Variants in SNTG1 observed in about 807,000 individuals in gnomAD.
SNTG1 encodes the protein syntrophin gamma 1.
A neutral mutation model predicts 74.7 loss-of-function variants in SNTG1; 39 were observed. The observed-to-expected ratio is 0.52, with a 90% CI of 0.40 to 0.68. SNTG1 has a LOEUF of 0.68. Ranked by LOEUF, SNTG1 falls within the 30% of genes least tolerant of loss-of-function variation. SNTG1 has a pLI of 0.00. For synonymous variants in SNTG1, 254 were observed against 217.1 expected (o/e 1.17, Z -1.49); for missense variants, 685 against 609.5 (o/e 1.12, Z -1.30).
chr8:50,202,280 C>A (rs2084016263), intron 2 of SNTG1, among the ~76,000 whole-genome samples: 1 of 152,130 alleles, frequency 6.6e-6, no homozygotes, highest in Non-Finnish European at 1.5e-5. Flanking sequence ...CATGTATCCA[C>A]AATTACATAT....
chr8:50,714,391 G>A (rs1363397237), intron 17 of SNTG1, among the ~76,000 whole-genome samples: 1 of 148,332 alleles, frequency 6.7e-6, no homozygotes, highest in Non-Finnish European at 1.5e-5. Context: ...GGAAATAAGA[G>A]AGGACACAAA....
intron 1 of SNTG1, among the ~76,000 whole-genome samples, chr8:50,021,098 C>T (rs1171770474): frequency 6.6e-6 from 1 of 152,108 alleles, no homozygotes; most frequent in African/African-American, 2.4e-5. Flanking sequence ...ATTGCTTTTG[C>T]CCACAAAAGC....
chr8:50,433,313 T>C (rs2093262181), intron 4 of SNTG1, among the ~76,000 whole-genome samples: 1 of 152,216 alleles, frequency 6.6e-6, no homozygotes, highest in African/African-American at 2.4e-5. Flanking sequence ...TCTATTTTTG[T>C]TCATTTCATA....
chr8:50,764,919 T>A (rs2131755959), intron 18 of SNTG1, among the ~76,000 whole-genome samples: 1 of 152,148 alleles, frequency 6.6e-6, no homozygotes, highest in East Asian at 1.9e-4. Flanking sequence ...AAATATGGTA[T>A]ATGTATACAT....
intron 1 of SNTG1, among the ~76,000 whole-genome samples, chr8:50,007,138 G>A (rs1440724617): frequency 2.0e-5 from 3 of 152,042 alleles, no homozygotes; most frequent in Non-Finnish European, 4.4e-5. Flanking sequence ...CAACTTGCTT[G>A]GTATGGTGGG....
chr8:50,345,874 T>C (rs746820452), intron 2 of SNTG1, among the ~76,000 whole-genome samples: 5 of 152,242 alleles, frequency 3.3e-5, no homozygotes, highest in Non-Finnish European at 7.3e-5. Context: ...ATTTATCTGA[T>C]ATCATTTTCA....
At chr8:50,062,737 T>C (rs1820583726) in intron 1 of SNTG1, among the ~76,000 whole-genome samples, 1 of 152,240 alleles carries the variant, frequency 6.6e-6, no homozygotes, top group East Asian at 1.9e-4. Context: ...CTTTGAAAGA[T>C]AATTTGCCCA....
chr8:50,417,919 G>A (rs1482338955), intron 4 of SNTG1, among the ~76,000 whole-genome samples: 4 of 151,862 alleles, frequency 2.6e-5, no homozygotes, highest in East Asian at 1.9e-4. Flanking sequence ...CAAAGACATC[G>A]TTCCAGCAAT....
At chr8:50,164,769 C>T (rs1238979283) in intron 1 of SNTG1, among the ~76,000 whole-genome samples, 1 of 152,122 alleles carries the variant, frequency 6.6e-6, no homozygotes, top group East Asian at 1.9e-4. Flanking sequence ...TTGGGAAACT[C>T]TTTGGAAAAA....
chr8:50,363,516 GTA>G (rs918556183), intron 2 of SNTG1, among the ~76,000 whole-genome samples: 1 of 150,392 alleles, frequency 6.6e-6, no homozygotes, highest in Non-Finnish European at 1.5e-5. Flanking sequence ...CAGGGTGTGT[GTA>G]TGTGTGTGTG....
intron 15 of SNTG1, among the ~76,000 whole-genome samples, chr8:50,694,213 G>C (rs1448097064): frequency 6.6e-6 from 1 of 150,510 alleles, no homozygotes; most frequent in African/African-American, 2.4e-5. Context: ...TAAGAAAAAA[G>C]ATAAGAGACT....
chr8:50,531,821 T>C (rs1160352363), intron 10 of SNTG1, among the ~76,000 whole-genome samples: 1 of 152,202 alleles, frequency 6.6e-6, no homozygotes, highest in Non-Finnish European at 1.5e-5. Flanking sequence ...AGAAAGCTCT[T>C]TGGAGCTGTT....
intron 16 of SNTG1, among the ~76,000 whole-genome samples, chr8:50,707,655 G>C (rs1336259832): frequency 6.6e-6 from 1 of 152,006 alleles, no homozygotes; most frequent in African/African-American, 2.4e-5. Flanking sequence ...TGCAAGGATA[G>C]GTGTTAAAAA....
At chr8:50,093,343 G>A (rs1023458466) in intron 1 of SNTG1, among the ~76,000 whole-genome samples, 7 of 151,922 alleles carry the variant, frequency 4.6e-5, no homozygotes, top group Non-Finnish European at 1.0e-4. Flanking sequence ...ACAATTCAGT[G>A]GTTTTTAGCA....
At chr8:49,989,366 T>C (rs60145462) in intron 1 of SNTG1, among the ~76,000 whole-genome samples, 16,370 of 151,856 alleles carry the variant, frequency 0.11, 1,322 homozygotes, top group African/African-American at 0.21. Flanking sequence ...GAATTAACTC[T>C]TAAAAATGAT....
At chr8:50,726,957 A>T (rs573431466) in intron 17 of SNTG1, among the ~76,000 whole-genome samples, 37 of 152,352 alleles carry the variant, frequency 2.4e-4, no homozygotes, top group African/African-American at 8.9e-4. Context: ...TCTGATCATG[A>T]TACTACCATT....
At chr8:49,997,822 T>A (rs935672878) in intron 1 of SNTG1, among the ~76,000 whole-genome samples, 2 of 152,192 alleles carry the variant, frequency 1.3e-5, no homozygotes, top group Non-Finnish European at 2.9e-5. Flanking sequence ...TTTCATCTGG[T>A]TTCATGTCTT....
At chr8:50,180,461 G>C (rs980371718) in intron 2 of SNTG1, among the ~76,000 whole-genome samples, 1 of 152,012 alleles carries the variant, frequency 6.6e-6, no homozygotes, top group Admixed American at 6.6e-5. Context: ...GTAATAAAAC[G>C]TCTTGAAACT....
intron 18 of SNTG1, among the ~76,000 whole-genome samples, chr8:50,768,428 G>A (rs568510332): frequency 6.6e-6 from 1 of 152,150 alleles, no homozygotes; most frequent in South Asian, 2.1e-4. Context: ...CCTGACTGAA[G>A]AATTCATGAT....
Sources: gnomAD v4.1 joint callset for allele counts (sites outside exome capture counted in the v4.1 genomes callset) on GRCh38, gnomAD v4.1.1 for gene constraint, MANE v1.5 for transcripts, NCBI Gene and HGNC (gene_info 2026-07-23, HGNC 2026-07-21) for gene names.